The following MCTP2 variants were observed in gnomAD, a reference collection of about 807,000 sequenced individuals.
MCTP2 encodes the protein multiple C2 and transmembrane domain-containing protein 2.
In MCTP2, 132 loss-of-function variants were observed where a neutral mutation model predicts 111.6. That is an observed-to-expected ratio of 1.18 (90% CI 1.03 to 1.37). The LOEUF is 1.37. Ranked by LOEUF, MCTP2 falls within the 40% of genes most tolerant of loss-of-function variation. The pLI is 0.00. For synonymous variants in MCTP2, 395 were observed against 387.7 expected, an observed-to-expected ratio of 1.02 and a Z score of -0.22; for missense variants, 1,183 against 1,067.9, an observed-to-expected ratio of 1.11 and a Z score of -1.50.
chr15:94,378,114 T>G (rs2079882045), intron 12 of MCTP2, among the ~76,000 whole-genome samples: 1 of 152,016 alleles, frequency 6.6e-6, no homozygotes, highest in South Asian at 2.1e-4. Flanking sequence ...CTGGCAGCTG[T>G]GAGGAGCAAG....
At position 94,468,202 on chromosome 15, in the gene MCTP2, A is replaced by ACTAGCAAATAGTAACTATTTTGAGTT. The variant is rs145304803; in HGVS notation, c.2361-2130_2361-2105dup. 5.2e-3 allele frequency among the ~76,000 whole-genome samples: 792 copies of ACTAGCAAATAGTAACTATTTTGAGTT among 152,332 alleles called. 4 individuals carry two copies. Among genetic ancestry groups the ACTAGCAAATAGTAACTATTTTGAGTT allele is most frequent in the Middle Eastern group, 0.02 (6 of 294 alleles). Reference sequence around the variant, plus strand: ...GTTAAGCAAAACAGCTCAGGAGAAAACTAGCAAATAGTAACTATTTTGAGT... The same window carrying ACTAGCAAATAGTAACTATTTTGAGTT: ...GTTAAGCAAAACAGCTCAGGAGAAAACTAGCAAATAGTAACTATTTTGAGTTCTAGCAAATAGTAACTATTTTGAGT... On this transcript the variant is annotated intron_variant, in intron 20 of 22. Coordinates refer to ENST00000357742, the MANE Select transcript of MCTP2 (RefSeq NM_001385001.1).
At chr15:94,362,383 T>C (rs1343003555) in intron 10 of MCTP2, among the ~76,000 whole-genome samples, 2 of 151,428 alleles carry the variant, frequency 1.3e-5, no homozygotes, top group Non-Finnish European at 2.9e-5. Flanking sequence ...TTTTCTAGAC[T>C]TAATTTAGTT....
chr15:94,328,709 A>G (rs983536760), intron 4 of MCTP2, among the ~76,000 whole-genome samples: 1 of 152,108 alleles, frequency 6.6e-6, no homozygotes, highest in African/African-American at 2.4e-5. Context: ...CTATGTAACA[A>G]ATTGCCTTGA....
intron 8 of MCTP2, among the ~76,000 whole-genome samples, chr15:94,353,899 A>T (rs113695954): frequency 6.6e-6 from 1 of 152,276 alleles, no homozygotes; most frequent in African/African-American, 2.4e-5. Context: ...ATATATGCAG[A>T]TACATCTATT....
intron 1 of MCTP2, among the ~76,000 whole-genome samples, chr15:94,296,342 A>G (rs901539224): frequency 6.6e-6 from 1 of 152,248 alleles, no homozygotes; most frequent in African/African-American, 2.4e-5. Context: ...GTTGTAAACT[A>G]TTTTAAACAT....
intron 1 of MCTP2, among the ~76,000 whole-genome samples, chr15:94,243,382 T>A (rs1314486069): frequency 2.0e-5 from 3 of 147,912 alleles, no homozygotes; most frequent in Non-Finnish European, 4.5e-5. Context: ...TGTACATACA[T>A]ACGTATGCGT....
intron 4 of MCTP2, among the ~76,000 whole-genome samples, chr15:94,336,368 A>G (rs1049567407): frequency 2.0e-5 from 3 of 152,034 alleles, no homozygotes; most frequent in Admixed American, 6.5e-5. Flanking sequence ...TTCTGTTGGG[A>G]CACTTCCTTC....
intron 12 of MCTP2, among the ~76,000 whole-genome samples, chr15:94,378,689 T>A (rs1332995751): frequency 1.3e-5 from 2 of 152,220 alleles, no homozygotes; most frequent in African/African-American, 4.8e-5. Context: ...TATGGACCTG[T>A]CTGCCCCTTG....
chr15:94,262,957 C>A (rs915845994), intron 1 of MCTP2, among the ~76,000 whole-genome samples: 6 of 152,148 alleles, frequency 3.9e-5, no homozygotes, highest in African/African-American at 1.4e-4. Context: ...AGGTGTGTGC[C>A]ACTGCACCTG....
chr15:94,257,759 G>T (rs930529421), intron 1 of MCTP2, among the ~76,000 whole-genome samples: 32 of 150,974 alleles, frequency 2.1e-4, no homozygotes, highest in African/African-American at 7.8e-4. Flanking sequence ...GCTAATTTTT[G>T]TATTTTTAGT....
At chr15:94,265,974 T>G (rs2073498400) in intron 1 of MCTP2, among the ~76,000 whole-genome samples, 1 of 152,222 alleles carries the variant, frequency 6.6e-6, no homozygotes, top group South Asian at 2.1e-4. Flanking sequence ...ACTATTGTCT[T>G]CAGTCCATAG....
chr15:94,471,443 C>T (rs1481741500), intron 21 of MCTP2, among the ~76,000 whole-genome samples: 1 of 152,178 alleles, frequency 6.6e-6, no homozygotes. Flanking sequence ...TTTCAAAGAG[C>T]ATCCAACAAA....
At chr15:94,396,151 A>G (rs1408786675) in intron 14 of MCTP2, among the ~76,000 whole-genome samples, 1 of 152,192 alleles carries the variant, frequency 6.6e-6, no homozygotes, top group African/African-American at 2.4e-5. Flanking sequence ...TCATTATTTT[A>G]TCCAAGACTC....
At chr15:94,371,543 C>T (rs567385058) in intron 12 of MCTP2, among the ~76,000 whole-genome samples, 6 of 152,264 alleles carry the variant, frequency 3.9e-5, no homozygotes, top group African/African-American at 1.4e-4. Context: ...TCTCCAGCCC[C>T]AAGAACTCAT....
chr15:94,372,778 A>C (rs1025508984), intron 12 of MCTP2, among the ~76,000 whole-genome samples: 3 of 110,946 alleles, frequency 2.7e-5, no homozygotes, highest in Non-Finnish European at 6.3e-5. Flanking sequence ...CCCACAAATT[A>C]AAAAAAAAAG....
chr15:94,388,590 T>C (rs2080664437), intron 14 of MCTP2, among the ~76,000 whole-genome samples: 1 of 152,236 alleles, frequency 6.6e-6, no homozygotes, highest in African/African-American at 2.4e-5. Flanking sequence ...TAACTTGTGA[T>C]TTAGAGGATG....
At chr15:94,309,883 A>G (rs77839693) in intron 2 of MCTP2, among the ~76,000 whole-genome samples, 10 of 152,380 alleles carry the variant, frequency 6.6e-5, no homozygotes, top group Admixed American at 1.3e-4. Context: ...CCTGAAAGGC[A>G]GCAGTGAGAG....
At chr15:94,389,922 T>A (rs2080774461) in intron 14 of MCTP2, among the ~76,000 whole-genome samples, 2 of 151,724 alleles carry the variant, frequency 1.3e-5, no homozygotes, top group Non-Finnish European at 2.9e-5. Context: ...CTAAGTGCAT[T>A]TAAGCCTGTT....
At chr15:94,404,405 G>A (rs766692961) in intron 17 of MCTP2, among the ~76,000 whole-genome samples, 1 of 150,724 alleles carries the variant, frequency 6.6e-6, no homozygotes, top group East Asian at 2.0e-4. Context: ...GGGTTCAAGC[G>A]ATTCTTCTCC....
Sources: allele counts gnomAD v4.1 joint callset (sites outside exome capture counted in the v4.1 genomes callset), GRCh38; gene constraint gnomAD v4.1.1; transcripts MANE v1.5; gene names NCBI Gene and HGNC (gene_info 2026-07-23, HGNC 2026-07-21).